TPCN1: variants seen among roughly 807,000 people sequenced by gnomAD.
TPCN1 encodes two pore segment channel 1.
In TPCN1, 52 loss-of-function variants were observed where a neutral mutation model predicts 108.8. The ratio of observed to expected loss-of-function variants is 0.48; its 90% CI spans 0.38 to 0.60. The LOEUF is 0.60. Ranked by LOEUF, TPCN1 falls within the 20% of genes least tolerant of loss-of-function variation. The pLI, the probability that TPCN1 is intolerant of heterozygous loss-of-function variation, is 0.00. For missense variants in TPCN1, 806 were observed against 1,072.8 expected, an observed-to-expected ratio of 0.75 and a Z score of 3.47; for synonymous variants, 446 against 433.7, an observed-to-expected ratio of 1.03 and a Z score of -0.35.
chr12:113,226,558 G>A (rs1953476603), intron 1 of TPCN1, among the ~76,000 whole-genome samples, 170 bp from the exon 2 acceptor site: 1 of 152,180 alleles, frequency 6.6e-6, no homozygotes, highest in Non-Finnish European at 1.5e-5. Context: ...TGGGATTATA[G>A]GTGTGAGCCA....
At chr12:113,234,457 GA>G (rs1215095500) in intron 2 of TPCN1, among the ~76,000 whole-genome samples, 1 of 152,228 alleles carries the variant, frequency 6.6e-6, no homozygotes, top group African/African-American at 2.4e-5. Flanking sequence ...TGAGGTTGTT[GA>G]CTCCCAGTGG....
chr12:113,271,436 A>T (rs1024215632), intron 7 of TPCN1, among the ~76,000 whole-genome samples: 2 of 152,156 alleles, frequency 1.3e-5, no homozygotes, highest in Admixed American at 6.6e-5. Flanking sequence ...TATCATTCCC[A>T]TGCACGTCTT....
intron 3 of TPCN1, among the ~76,000 whole-genome samples, chr12:113,263,123 G>T (rs1338235246): frequency 6.6e-6 from 1 of 152,064 alleles, no homozygotes; most frequent in African/African-American, 2.4e-5. Context: ...AATATTAAAG[G>T]TGATTATCTC....
intron 2 of TPCN1, among the ~76,000 whole-genome samples, chr12:113,257,865 A>G (rs1416128278): frequency 2.6e-5 from 4 of 152,222 alleles, no homozygotes; most frequent in Non-Finnish European, 5.9e-5. Context: ...TTTTTAAATA[A>G]TTATTCTGAG....
At position 113,288,203 on chromosome 12, in the gene TPCN1, A is replaced by G. The variant is rs750392073; in HGVS notation, c.1675A>G (p.Thr559Ala). 5 of 1,613,822 alleles carry G rather than the reference A, an allele frequency of 3.1e-6. No homozygotes were observed. The East Asian group carries it at 8.9e-5, about 29-fold the overall frequency. ...GGAGCGCTACCGCAACGTGCTGGAC[A>G]CCATGTTCGAGCTGCTGCCCCGGAT... The part of the protein sequence containing the change: ...LKERYRNVLD[T>A]MFELLPRMAS... Residue 559 changes from threonine to alanine, a missense_variant, in exon 20 of 28, where the codon ACC (threonine) becomes GCC (alanine). Thr to Ala is a moderately conservative substitution (Grantham distance 58, BLOSUM62 0). Coordinates refer to ENST00000335509, the MANE Select transcript of TPCN1 (RefSeq NM_017901.6). The surrounding 1 kb of genome is among the most constrained non-coding windows in gnomAD (Gnocchi z 4.8).
At chr12:113,267,729 G>T in intron 4 of TPCN1, 114 bp from the exon 5 acceptor site, 1 of 687,416 alleles carries the variant, frequency 1.5e-6, no homozygotes. Flanking sequence ...TTGTAACTCT[G>T]ATATGTGTTG....
At position 113,269,754 on chromosome 12, in the gene TPCN1, C is replaced by T. The variant is rs1288695273; in HGVS notation, c.660-3C>T. On this transcript the variant is annotated splice_region_variant and splice_polypyrimidine_tract_variant and intron_variant, in intron 6 of 27. Coordinates refer to ENST00000335509, the MANE Select transcript of TPCN1 (RefSeq NM_017901.6). The surrounding 1 kb of genome is among the most constrained non-coding windows in gnomAD (Gnocchi z 5.0). ...TCCCCTGAGCTGGCCCATCTCTCCC[C>T]AGCAACCTGCGGCAGATCTTCCAGT... 6.2e-7 allele frequency: 1 copy of T among 1,613,236 alleles called. No homozygotes were observed. Among genetic ancestry groups the T allele is most frequent in the Non-Finnish European group, 8.5e-7 (1 of 1,179,974 alleles).
chr12:113,268,777 C>T lies in TPCN1; in HGVS notation c.564C>T (p.Ile188=), dbSNP rs773859284. 42 of 1,613,862 alleles carry T rather than the reference C, an allele frequency of 2.6e-5. No individual in the cohort carries two copies. The highest frequency in any genetic ancestry group is 3.5e-5 in the Non-Finnish European group (41 of 1,180,008). ...SVLVVQFVEA[I]VVLVRQMSHV... ...TGGTGGTGCAGTTTGTCGAGGCCAT[C>T]GTGGTGTTGGTACGGCAGATGTCCC... is the stretch of plus-strand genomic sequence containing the variant. Residue 188 remains isoleucine, a synonymous_variant, in exon 6 of 28, where the codon ATC becomes ATT. Transcript: ENST00000335509. The surrounding 1 kb of genome is among the most constrained non-coding windows in gnomAD (Gnocchi z 7.3).
intron 25 of TPCN1, 63 bp from the exon 26 acceptor site, chr12:113,292,871 G>T: frequency 6.4e-7 from 1 of 1,572,338 alleles, no homozygotes; most frequent in Non-Finnish European, 8.6e-7. Context: ...GGAGGTACGA[G>T]ACCCAGCCAG....
chr12:113,293,284 T>G lies in TPCN1; in HGVS notation c.2269T>G (p.Phe757Val). 1 of 1,614,046 alleles carries G rather than the reference T, an allele frequency of 6.2e-7. No homozygotes were observed. The highest frequency in any genetic ancestry group is 8.5e-7 in the Non-Finnish European group (1 of 1,180,016). Residue 757 changes from phenylalanine (F) to valine (V), a missense_variant, in exon 27 of 28, where the codon TTT becomes GTT. Physicochemically the swap from Phe to Val is conservative, Grantham distance 50 (BLOSUM62 -1). Transcript: ENST00000335509. ...TCTTCCTTAGCAACATTCCATGGTG[T>G]TTCTGGGACGGCGATCAAGGACCAA... The part of the protein sequence containing the change: ...MERYQQHSMV[F>V]LGRRSRTKSD...
Position 113,273,710 on chromosome 12 carries a change from C to CTAGTGCAG in TPCN1, c.942+44_942+45insGTGCAGTA, listed in dbSNP as rs1272010815. The CTAGTGCAG allele has an allele frequency of 5.3e-6, 8 of 1,495,778 alleles. No homozygotes were observed. The highest frequency in any genetic ancestry group is 7.5e-6 in the Non-Finnish European group (8 of 1,073,792). The allele number at this position is 1,495,778 out of a possible 1,614,324, so 92.7% of individuals were successfully genotyped here. The stretch of plus-strand genomic sequence containing the variant: ...CAGGCTACGCTGAAGCAGCCTGCCC[C>CTAGTGCAG]TACCCATGCAGCACTAGGCACTGTG... On this transcript the variant is annotated intron_variant, in intron 10 of 27. Transcript: ENST00000335509. This position sits in a 1 kb window ranked among gnomAD's most constrained non-coding sequence, Gnocchi z 4.0.
chr12:113,245,668 G>A (rs926664097), intron 2 of TPCN1, among the ~76,000 whole-genome samples: 4 of 151,464 alleles, frequency 2.6e-5, no homozygotes, highest in Non-Finnish European at 4.4e-5. Context: ...CCTGAGAACA[G>A]TCATTCTCTG....
intron 2 of TPCN1, chr12:113,244,841 G>C: frequency 1.1e-6 from 1 of 871,490 alleles, no homozygotes; most frequent in Non-Finnish European, 1.4e-6. Context: ...TTAAGATCGT[G>C]AACTGTGGGG....
chr12:113,252,775 C>A (rs973107335), intron 2 of TPCN1, among the ~76,000 whole-genome samples: 6 of 152,190 alleles, frequency 3.9e-5, no homozygotes, highest in African/African-American at 1.4e-4. Flanking sequence ...TTCCCTGATC[C>A]ACATGAGCAG....
intron 1 of TPCN1, among the ~76,000 whole-genome samples, chr12:113,222,019 T>C (rs567008748): frequency 9.9e-4 from 151 of 152,302 alleles, no homozygotes; most frequent in African/African-American, 3.3e-3. Context: ...GCTGAACCTC[T>C]TCCCCTAGGC....
chr12:113,279,370 TATATATATATATATATA>T (rs1474863896), intron 14 of TPCN1, among the ~76,000 whole-genome samples: 1 of 25,696 alleles, frequency 3.9e-5, no homozygotes, highest in African/African-American at 2.0e-4. Context: ...TATATATATA[TATATATATATATATATA>T]TATATTTTTT....
chr12:113,286,238 A>G (rs1003435660), intron 18 of TPCN1, among the ~76,000 whole-genome samples: 12 of 152,014 alleles, frequency 7.9e-5, no homozygotes, highest in African/African-American at 2.2e-4. Flanking sequence ...GACTCATTAA[A>G]CTTTTTTCTC....
At chr12:113,240,141 G>A (rs568879669) in intron 2 of TPCN1, among the ~76,000 whole-genome samples, 1 of 152,296 alleles carries the variant, frequency 6.6e-6, no homozygotes, top group South Asian at 2.1e-4. Context: ...CTTCAACAGG[G>A]CGCAGATTTT....
chr12:113,277,452 G>A, intron 12 of TPCN1, 88 bp downstream of exon 12: 3 of 1,540,174 alleles, frequency 1.9e-6, no homozygotes, highest in Non-Finnish European at 2.7e-6. Flanking sequence ...CCCTTGAGGT[G>A]GGCAGGCCTA....
Sources: allele counts gnomAD v4.1 joint callset (sites outside exome capture counted in the v4.1 genomes callset), GRCh38; gene constraint gnomAD v4.1.1; non-coding constraint Gnocchi (gnomAD v3.1); transcripts MANE v1.5; gene names NCBI Gene and HGNC (gene_info 2026-07-23, HGNC 2026-07-21).